The following TMEM164 variants were observed in gnomAD, a reference collection of about 807,000 sequenced individuals.
TMEM164 encodes RP13-360B22.2.
TMEM164 carries 4 observed loss-of-function variants against 18.8 expected under a neutral mutation model. The observed-to-expected ratio is 0.21, with a 90% CI of 0.10 to 0.49. The LOEUF is 0.49. Ranked by LOEUF, TMEM164 falls within the 20% of genes least tolerant of loss-of-function variation. The pLI is 0.98. For synonymous variants in TMEM164, 86 were observed against 101.7 expected (o/e 0.85, Z 0.93); for missense variants, 108 against 239.9 (o/e 0.45, Z 3.63).
chrX:110,077,664 C>T (rs947276991), intron 3 of TMEM164, among the ~76,000 whole-genome samples: 6 of 111,626 alleles, frequency 5.4e-5, no homozygotes, highest in Admixed American at 9.6e-5. Context: ...TAACGAGTTC[C>T]CTTAGCATTT....
At chrX:110,126,810 CTGTGTG>C (rs4035483) in intron 4 of TMEM164, among the ~76,000 whole-genome samples, 9,750 of 69,356 alleles carry the variant, frequency 0.14, 960 homozygotes, top group East Asian at 0.65. Context: ...TGGGCCACTC[CTGTGTG>C]TGTGTGTGTG....
At chrX:110,084,444 G>GTA (rs1159781049) in intron 3 of TMEM164, among the ~76,000 whole-genome samples, 13 of 18,923 alleles carry the variant, frequency 6.9e-4, no homozygotes, top group East Asian at 4.3e-3. Context: ...TATATATATA[G>GTA]TATATATATA....
chrX:110,017,491 C>T (rs1167592571), intron 2 of TMEM164, among the ~76,000 whole-genome samples: 25 of 2,378 alleles, frequency 0.011, no homozygotes, highest in Non-Finnish European at 0.016. Context: ...TCCCTCCCTC[C>T]CTCCCTCCCT....
At chrX:110,159,018 A>G (rs1375046598) in intron 5 of TMEM164, among the ~76,000 whole-genome samples, 5 of 112,362 alleles carry the variant, frequency 4.4e-5, no homozygotes, top group Non-Finnish European at 9.4e-5. Flanking sequence ...CTGTCATGTA[A>G]TGGTGGTATA....
intron 3 of TMEM164, among the ~76,000 whole-genome samples, chrX:110,094,280 G>A (rs2147931180): frequency 9.0e-6 from 1 of 111,633 alleles, no homozygotes; most frequent in African/African-American, 3.3e-5. Context: ...TGTTGACAGT[G>A]GGGAGTTAAA....
At chrX:110,059,381 C>T (rs148218545) in intron 2 of TMEM164, among the ~76,000 whole-genome samples, 4 of 111,748 alleles carry the variant, frequency 3.6e-5, no homozygotes, top group African/African-American at 1.3e-4. Flanking sequence ...TGTTGCTTTG[C>T]CATAAGTTGA....
At chrX:110,073,317 T>C (rs1189008173) in intron 3 of TMEM164, among the ~76,000 whole-genome samples, 2 of 112,102 alleles carry the variant, frequency 1.8e-5, no homozygotes, top group African/African-American at 6.5e-5. Flanking sequence ...ATTACAGGCA[T>C]GAGCTACTAT....
At chrX:110,085,336 A>AT (rs760943540) in intron 3 of TMEM164, among the ~76,000 whole-genome samples, 2,280 of 80,609 alleles carry the variant, frequency 0.028, 29 homozygotes, top group African/African-American at 0.08. Flanking sequence ...AATTAAAAAA[A>AT]ATATATATAT....
At chrX:110,183,849 A>G (rs769249587), downstream of TMEM164, among the ~76,000 whole-genome samples, 1 of 112,237 alleles carries the variant, frequency 8.9e-6, no homozygotes, top group Non-Finnish European at 1.9e-5. Context: ...GTTAGCTATT[A>G]TGATTATTAA....
chrX:110,164,960 T>C (rs2067141238), intron 5 of TMEM164, among the ~76,000 whole-genome samples: 1 of 112,336 alleles, frequency 8.9e-6, no homozygotes, highest in Non-Finnish European at 1.9e-5. Context: ...AACATAGGAA[T>C]TGAGCTAATG....
chrX:110,173,139 A>G, intron 6 of TMEM164, 106 bp from the exon 7 acceptor site: 7 of 823,413 alleles, frequency 8.5e-6, no homozygotes, highest in Non-Finnish European at 1.2e-5. Context: ...GGATTGGTCA[A>G]TCCCTCCTTG....
At chrX:110,084,380 GTA>G (rs1351039304) in intron 3 of TMEM164, among the ~76,000 whole-genome samples, 29 of 1,986 alleles carry the variant, frequency 0.015, 3 homozygotes, top group East Asian at 0.05. Flanking sequence ...TATATATAGT[GTA>G]TATATATATA....
At chrX:110,103,378 A>AGCAGG (rs1368915084) in intron 3 of TMEM164, among the ~76,000 whole-genome samples, 3 of 112,036 alleles carry the variant, frequency 2.7e-5, no homozygotes, top group African/African-American at 6.5e-5. Context: ...CCACAGAAAA[A>AGCAGG]GCAGGGCAGG....
chrX:110,057,396 C>T (rs183243121), intron 2 of TMEM164, among the ~76,000 whole-genome samples: 110 of 111,378 alleles, frequency 9.9e-4, no homozygotes, highest in Non-Finnish European at 1.7e-3. Flanking sequence ...TTTATTCATG[C>T]ATCCATCGAT....
intron 2 of TMEM164, among the ~76,000 whole-genome samples, chrX:110,044,668 T>A (rs762533692): frequency 2.0e-4 from 20 of 101,932 alleles, no homozygotes; most frequent in Non-Finnish European, 3.4e-4. Flanking sequence ...CCAGGCTATT[T>A]TGGAACTCCT....
chrX:110,116,382 G>A (rs983263621), intron 4 of TMEM164, among the ~76,000 whole-genome samples: 7 of 111,820 alleles, frequency 6.3e-5, no homozygotes, highest in African/African-American at 2.3e-4. Flanking sequence ...GGAGTAAGTG[G>A]TCTGGAAAGG....
intron 5 of TMEM164, among the ~76,000 whole-genome samples, chrX:110,148,258 T>C (rs1006059969): frequency 6.3e-5 from 7 of 110,307 alleles, no homozygotes; most frequent in Admixed American, 2.9e-4. Context: ...CCTCAATAGA[T>C]CCCCCCTCTC....
chrX:110,152,401 A>C (rs2066956233), intron 5 of TMEM164, among the ~76,000 whole-genome samples: 1 of 111,293 alleles, frequency 9.0e-6, no homozygotes, highest in East Asian at 2.8e-4. Context: ...ATCTGAATTT[A>C]GAGTCATGGT....
intron 5 of TMEM164, among the ~76,000 whole-genome samples, chrX:110,167,254 C>T (rs953689582): frequency 1.8e-5 from 2 of 112,306 alleles, no homozygotes; most frequent in African/African-American, 3.2e-5. Context: ...ACCCTCAGCC[C>T]ACCAGCAGGA....
Sources: gnomAD v4.1 joint callset for allele counts (sites outside exome capture counted in the v4.1 genomes callset) on GRCh38, gnomAD v4.1.1 for gene constraint, MANE v1.5 for transcripts, NCBI Gene and HGNC (gene_info 2026-07-23, HGNC 2026-07-21) for gene names.